MICAL2: variants seen among roughly 807,000 people sequenced by gnomAD.
The protein encoded by MICAL2 is [F-actin]-monooxygenase MICAL2.
In MICAL2, 77 loss-of-function variants were observed where a neutral mutation model predicts 127.3. The observed-to-expected ratio is 0.60, with a 90% confidence interval of 0.50 to 0.73. The LOEUF (loss-of-function observed/expected upper bound fraction) is 0.73, where lower values mean the gene tolerates loss of function less well. Among genes scored for constraint, MICAL2 ranks in the 30% least tolerant of loss-of-function variants. MICAL2 has a pLI of 0.00. For missense variants in MICAL2, 1,351 were observed against 1,434.4 expected, an observed-to-expected ratio of 0.94 and a Z score of 0.94; for synonymous variants, 570 against 551.1, an observed-to-expected ratio of 1.03 and a Z score of -0.48.
intron 29 of MICAL2, among the ~76,000 whole-genome samples, chr11:12,302,470 G>C (rs1253007769): frequency 6.6e-6 from 1 of 152,164 alleles, no homozygotes; most frequent in Non-Finnish European, 1.5e-5. Flanking sequence ...ATTTTTACAG[G>C]TGTACAGTGG....
At chr11:12,294,998 T>G, downstream of MICAL2, 1 of 1,269,936 alleles carries the variant, frequency 7.9e-7, no homozygotes, top group African/African-American at 1.5e-5. Flanking sequence ...AGGCAAAAAA[T>G]TTGAAAAAAA....
Position 12,262,402 on chromosome 11 carries a change from A to G in MICAL2, c.3335-78A>G, listed in dbSNP as rs1863253019. 5.6e-6 allele frequency: 9 copies of G among 1,602,676 alleles called. No homozygotes were observed. In the South Asian group the frequency reaches 1.0e-4, roughly 18 times the overall value. Reference sequence around the variant, plus strand: ...ACTCCGGTGCCTTCTCGTGATGTTAATCATTTCCTTTTTTCCCCACACTAA... The same window carrying G: ...ACTCCGGTGCCTTCTCGTGATGTTAGTCATTTCCTTTTTTCCCCACACTAA... On this transcript the variant is annotated intron_variant, in intron 26 of 27. Coordinates refer to ENST00000683283, the MANE Select transcript of MICAL2 (RefSeq NM_001282663.2).
intron 29 of MICAL2, chr11:12,303,634 G>T (rs1344322768): frequency 6.6e-6 from 1 of 152,220 alleles, no homozygotes; most frequent in Non-Finnish European, 1.5e-5. Context: ...CATGCCAAAT[G>T]ATGTTGCATA....
chr11:12,149,031 T>C (rs146607427), intron 2 of MICAL2, among the ~76,000 whole-genome samples: 1 of 152,200 alleles, frequency 6.6e-6, no homozygotes, highest in Non-Finnish European at 1.5e-5. Context: ...GTGACCAGTC[T>C]GCCTGACTCC....
chr11:12,145,934 C>G (rs1251274864), intron 2 of MICAL2, among the ~76,000 whole-genome samples: 1 of 152,124 alleles, frequency 6.6e-6, no homozygotes, highest in African/African-American at 2.4e-5. Flanking sequence ...AACAACAAAG[C>G]TTCTGTAATT....
upstream of MICAL2, among the ~76,000 whole-genome samples, chr11:12,273,386 CATT>C (rs1435514636): frequency 6.6e-6 from 1 of 152,142 alleles, no homozygotes; most frequent in Non-Finnish European, 1.5e-5. Context: ...ATCGCCATGT[CATT>C]ATTATTATGT....
In MICAL2 at chr11:12,263,543, C is replaced by T. The variant is rs8808; in HGVS notation, c.*18-17C>T. On this transcript the variant is annotated splice_polypyrimidine_tract_variant and intron_variant, in intron 27 of 27. Coordinates refer to ENST00000683283, the MANE Select transcript of MICAL2 (RefSeq NM_001282663.2). ...GCCAGTACAAAGTCGTTGCTCTTGT[C>T]TTATCTTCTCTTACAGAGTCTCCCT... 14,372 of 152,632 alleles carry T rather than the reference C, an allele frequency of 0.094. 1,245 individuals carry two copies. The highest frequency in any genetic ancestry group is 0.48 in the East Asian group (2,486 of 5,144). 9.5% of individuals were successfully genotyped at this position (152,632 alleles called of 1,614,324 possible). A position where few individuals can be genotyped will look rare whatever the true frequency, so the allele number is the denominator to read the frequency against.
At chr11:12,206,902 T>TGCCA (rs1224016728) in intron 4 of MICAL2, among the ~76,000 whole-genome samples, 3 of 152,130 alleles carry the variant, frequency 2.0e-5, no homozygotes, top group African/African-American at 7.2e-5. Flanking sequence ...CCTCCCCTCA[T>TGCCA]GCCAGCCCTC....
intron 4 of MICAL2, among the ~76,000 whole-genome samples, chr11:12,205,324 C>T (rs920280124): frequency 2.0e-5 from 3 of 152,124 alleles, no homozygotes; most frequent in African/African-American, 4.8e-5. Context: ...ATGCAGTTGA[C>T]GCTTGAACAA....
chr11:12,354,263 G>A (rs1054869132), intron 33 of MICAL2, among the ~76,000 whole-genome samples: 4 of 152,332 alleles, frequency 2.6e-5, no homozygotes, highest in South Asian at 4.1e-4. Context: ...GGTCACCTGA[G>A]GTCAGGAGTT....
chr11:12,314,833 C>T (rs1864216132), intron 29 of MICAL2, among the ~76,000 whole-genome samples: 1 of 151,916 alleles, frequency 6.6e-6, no homozygotes, highest in Non-Finnish European at 1.5e-5. Context: ...TGTGTGATTG[C>T]TGTCATATAT....
intron 15 of MICAL2, among the ~76,000 whole-genome samples, chr11:12,233,271 G>C (rs1025411585): frequency 6.6e-6 from 1 of 152,184 alleles, no homozygotes; most frequent in Non-Finnish European, 1.5e-5. Flanking sequence ...GTAGTTGGAT[G>C]GTTTTCCTGA....
chr11:12,253,136 G>C (rs956822401), intron 22 of MICAL2: 5 of 152,208 alleles, frequency 3.3e-5, no homozygotes, highest in Non-Finnish European at 7.3e-5. Context: ...TTGCAGAAGG[G>C]GGTATGTATA....
chr11:12,195,967 C>T (rs561169976), intron 3 of MICAL2: 19 of 153,084 alleles, frequency 1.2e-4, no homozygotes, highest in Admixed American at 8.5e-4. Context: ...ATGTGAGCTA[C>T]GAGTGAGTGA....
intron 29 of MICAL2, among the ~76,000 whole-genome samples, chr11:12,317,935 A>G (rs1036310026): frequency 2.6e-5 from 4 of 152,260 alleles, no homozygotes; most frequent in African/African-American, 9.6e-5. Flanking sequence ...CTCAATTTCA[A>G]AAGAAATTTC....
rs114038973 is a variant in MICAL2 at position 12,222,356 on chromosome 11, C to T, written c.1323-261C>T. Reference sequence around the variant, plus strand: ...GGCAAAACCACAGGCCACCGTGCTGCCAGCCCTGCATCCCTCCCCCTGCCT... The same window carrying T: ...GGCAAAACCACAGGCCACCGTGCTGTCAGCCCTGCATCCCTCCCCCTGCCT... On this transcript the variant is annotated intron_variant, in intron 10 of 27. Coordinates refer to ENST00000683283, the MANE Select transcript of MICAL2 (RefSeq NM_001282663.2). Among the ~76,000 whole-genome samples, 342 of 152,312 alleles carry T rather than the reference C, an allele frequency of 2.2e-3. 3 individuals are homozygous for T. The highest frequency in any genetic ancestry group is 7.9e-3 in the African/African-American group (330 of 41,588).
chr11:12,215,196 G>T (rs1396092162), intron 7 of MICAL2, among the ~76,000 whole-genome samples: 1 of 152,180 alleles, frequency 6.6e-6, no homozygotes, highest in African/African-American at 2.4e-5. Flanking sequence ...CCACGTTTCA[G>T]TGAACTTCCT....
chr11:12,239,015 C>T (rs376361420), intron 16 of MICAL2, among the ~76,000 whole-genome samples: 18 of 152,344 alleles, frequency 1.2e-4, no homozygotes, highest in African/African-American at 4.3e-4. Flanking sequence ...CCAACCCCTG[C>T]TCTTCTCCTC....
At chr11:12,195,271 A>C (rs1859747887) in intron 3 of MICAL2, among the ~76,000 whole-genome samples, 1 of 151,334 alleles carries the variant, frequency 6.6e-6, no homozygotes, top group African/African-American at 2.5e-5. Context: ...AACCAAACAA[A>C]ACCAAAACAA....
Sources: gnomAD v4.1 joint callset for allele counts (sites outside exome capture counted in the v4.1 genomes callset) on GRCh38, gnomAD v4.1.1 for gene constraint, MANE v1.5 for transcripts, NCBI Gene and HGNC (gene_info 2026-07-23, HGNC 2026-07-21) for gene names.